Variants in EIF2B3 observed in about 807,000 individuals in gnomAD.
EIF2B3 encodes the protein eukaryotic translation initiation factor 2B subunit gamma.
In EIF2B3, 20 loss-of-function variants were observed where a neutral mutation model predicts 54.1. That is an observed-to-expected ratio of 0.37 (90% CI 0.26 to 0.54). EIF2B3 has a LOEUF of 0.54. Ranked by LOEUF, EIF2B3 falls within the 20% of genes least tolerant of loss-of-function variation. EIF2B3 has a pLI of 0.86. For synonymous variants in EIF2B3, 153 were observed against 188.1 expected (o/e 0.81, Z 1.52); for missense variants, 448 against 547.8 (o/e 0.82, Z 1.82).
In EIF2B3 at chr1:44,851,016, AG is replaced by A; in HGVS notation, c.1307-14del. ...TTCACTCGTTTAGCTACAAAAGAAA[AG>A]GAAAAAAGTTTTCTGAGAACTGGCA... On this transcript the variant is annotated splice_polypyrimidine_tract_variant and intron_variant, in intron 11 of 11. Coordinates refer to ENST00000360403, the MANE Select transcript of EIF2B3 (RefSeq NM_020365.5). The A allele has an allele frequency of 6.2e-7, 1 of 1,613,590 alleles. No individual in the cohort carries two copies. The highest frequency in any genetic ancestry group is 1.1e-5 in the South Asian group (1 of 91,078).
At chr1:44,900,445 CAAAAAAAAAAAAAA>C (rs34226720) in intron 5 of EIF2B3, among the ~76,000 whole-genome samples, 1 of 43,572 alleles carries the variant, frequency 2.3e-5, no homozygotes, top group African/African-American at 9.1e-5. Flanking sequence ...AGAATCATCT[CAAAAAAAAAAAAAA>C]AAAAAAAAAG....
intron 4 of EIF2B3, among the ~76,000 whole-genome samples, chr1:44,940,174 G>T (rs547476): frequency 6.6e-6 from 1 of 152,116 alleles, no homozygotes; most frequent in Non-Finnish European, 1.5e-5. Context: ...CAAATCCTAA[G>T]TATGAAGGCT....
intron 5 of EIF2B3, among the ~76,000 whole-genome samples, chr1:44,906,792 T>G (rs1643420993): frequency 2.0e-5 from 3 of 152,212 alleles, no homozygotes; most frequent in Admixed American, 2.0e-4. Context: ...ACCAGGTATG[T>G]ACAAGACACT....
intron 8 of EIF2B3, among the ~76,000 whole-genome samples, chr1:44,876,121 T>C (rs1054761367): frequency 1.3e-5 from 2 of 152,132 alleles, no homozygotes; most frequent in Non-Finnish European, 2.9e-5. Context: ...AGTGGCGTGA[T>C]CTCGGCTAGC....
chr1:44,895,706 G>T (rs542533736), intron 6 of EIF2B3, among the ~76,000 whole-genome samples: 260 of 152,220 alleles, frequency 1.7e-3, no homozygotes, highest in South Asian at 5.8e-3. Flanking sequence ...TTAGGGTAAT[G>T]GGGGGAGAGA....
intron 4 of EIF2B3, among the ~76,000 whole-genome samples, chr1:44,937,018 T>G (rs997866460): frequency 1.3e-5 from 2 of 152,214 alleles, no homozygotes; most frequent in African/African-American, 4.8e-5. Context: ...CTGAACTCTA[T>G]AGACCTTGTG....
chr1:44,883,786 G>GT (rs1655489340), intron 6 of EIF2B3, among the ~76,000 whole-genome samples: 1 of 152,208 alleles, frequency 6.6e-6, no homozygotes, highest in Admixed American at 6.5e-5. Context: ...CAGGTAAGAT[G>GT]AACCCACTGA....
At chr1:44,958,373 T>C (rs1436318126) in intron 3 of EIF2B3, among the ~76,000 whole-genome samples, 1 of 152,234 alleles carries the variant, frequency 6.6e-6, no homozygotes, top group Non-Finnish European at 1.5e-5. Context: ...ACTTGATTTC[T>C]AGATAGAAGC....
intron 5 of EIF2B3, among the ~76,000 whole-genome samples, chr1:44,904,075 CA>C (rs1309293695): frequency 3.3e-5 from 5 of 151,782 alleles, no homozygotes; most frequent in Admixed American, 6.6e-5. Context: ...GACTCCATCT[CA>C]AAAAAACAAA....
At chr1:44,876,587 C>T (rs1569587352) in intron 8 of EIF2B3, among the ~76,000 whole-genome samples, 1 of 43,176 alleles carries the variant, frequency 2.3e-5, no homozygotes, top group Non-Finnish European at 4.1e-5. Context: ...GGTCAGCCCC[C>T]CACCCGGCCA....
At chr1:44,945,371 G>T (rs552408917) in intron 3 of EIF2B3, among the ~76,000 whole-genome samples, 1 of 151,846 alleles carries the variant, frequency 6.6e-6, no homozygotes, top group Non-Finnish European at 1.5e-5. Context: ...TGGCTACCAT[G>T]GTGAAACCTC....
intron 6 of EIF2B3, among the ~76,000 whole-genome samples, chr1:44,891,860 G>A (rs973920347): frequency 1.2e-4 from 19 of 152,080 alleles, no homozygotes; most frequent in Admixed American, 7.2e-4. Context: ...ATCATTTCAA[G>A]TTCTTATAGC....
At chr1:44,967,756 A>AAAAG (rs1047612668) in intron 3 of EIF2B3, among the ~76,000 whole-genome samples, 1 of 149,818 alleles carries the variant, frequency 6.7e-6, no homozygotes, top group Non-Finnish European at 1.5e-5. Context: ...AAAAAAAAAA[A>AAAAG]AAAGGCCAGG....
intron 6 of EIF2B3, among the ~76,000 whole-genome samples, chr1:44,891,586 G>A (rs1489068176): frequency 1.3e-5 from 2 of 152,138 alleles, no homozygotes; most frequent in African/African-American, 2.4e-5. Flanking sequence ...TATGTGGTGG[G>A]GTAGGGGGAT....
At chr1:44,874,950 T>C in intron 9 of EIF2B3, 124 bp from the exon 10 acceptor site, 3 of 1,234,002 alleles carry the variant, frequency 2.4e-6, no homozygotes, top group Non-Finnish European at 1.2e-6. Context: ...AGAGGGACCA[T>C]GATCAGTATT....
At chr1:44,966,565 G>T (rs895206733) in intron 3 of EIF2B3, among the ~76,000 whole-genome samples, 1 of 152,090 alleles carries the variant, frequency 6.6e-6, no homozygotes, top group South Asian at 2.1e-4. Context: ...AGATAAAACG[G>T]CGATAAAGGA....
chr1:44,906,852 T>C (rs536926802), intron 5 of EIF2B3, among the ~76,000 whole-genome samples: 1 of 152,312 alleles, frequency 6.6e-6, no homozygotes, highest in African/African-American at 2.4e-5. Context: ...TGAAGCATAG[T>C]CCTATCCTCT....
At chr1:44,949,378 A>G (rs1644137205) in intron 3 of EIF2B3, among the ~76,000 whole-genome samples, 1 of 152,124 alleles carries the variant, frequency 6.6e-6, no homozygotes. Context: ...TATTTTTTCC[A>G]TCTAGACTTT....
chr1:44,930,649 C>A (rs961647826), intron 4 of EIF2B3, among the ~76,000 whole-genome samples: 2 of 151,656 alleles, frequency 1.3e-5, no homozygotes, highest in Non-Finnish European at 2.9e-5. Flanking sequence ...TATTTTTTTT[C>A]TTTTTTTTGG....
Sources: gnomAD v4.1 joint callset for allele counts (sites outside exome capture counted in the v4.1 genomes callset) on GRCh38, gnomAD v4.1.1 for gene constraint, MANE v1.5 for transcripts, NCBI Gene and HGNC (gene_info 2026-07-23, HGNC 2026-07-21) for gene names.